Variants in CELSR1 observed in about 807,000 individuals in gnomAD.
CELSR1 encodes the protein cadherin EGF LAG seven-pass G-type receptor 1.
A neutral mutation model predicts 249.1 loss-of-function variants in CELSR1; 110 were observed. The observed-to-expected ratio is 0.44, with a 90% CI of 0.38 to 0.52. The LOEUF (loss-of-function observed/expected upper bound fraction) is 0.52. Among genes scored for constraint, CELSR1 ranks in the 20% least tolerant of loss-of-function variants. CELSR1 has a pLI of 0.00. For missense variants in CELSR1, 4,109 were observed against 4,296.4 expected (o/e 0.96, Z 1.22); for synonymous variants, 2,113 against 1,900.0 (o/e 1.11, Z -2.92).
At position 46,478,851 on chromosome 22, in the gene CELSR1, C is replaced by G. The variant is rs368313751; in HGVS notation, c.3545-14506G>C. Among the ~76,000 whole-genome samples, 166 of 151,904 alleles carry G rather than the reference C, an allele frequency of 1.1e-3. 1 individual carries two copies. The highest frequency in any genetic ancestry group is 8.4e-3 in the East Asian group (43 of 5,144). ...ACAGGTGTGAGCCACCGTGCCCAGC[C>G]GAAGATGAGACGTCTTAGTAAACAC... On this transcript the variant is annotated intron_variant, in intron 1 of 34. Coordinates refer to ENST00000674500, the MANE Select transcript of CELSR1 (RefSeq NM_001378328.1).
intron 27 of CELSR1, 117 bp from the exon 28 acceptor site, chr22:46,367,972 C>A: frequency 7.4e-7 from 1 of 1,348,924 alleles, no homozygotes; most frequent in South Asian, 1.4e-5. Context: ...ATCTGTCCGT[C>A]CACCTGTCCA....
intron 25 of CELSR1, among the ~76,000 whole-genome samples, chr22:46,372,497 C>T (rs978118354): frequency 3.1e-5 from 4 of 129,602 alleles, no homozygotes; most frequent in Non-Finnish European, 6.6e-5. Flanking sequence ...CCCCATCCAT[C>T]CATCCACTCA....
At position 46,409,043 on chromosome 22, in the gene CELSR1, C is replaced by T. The variant is rs765545122; in HGVS notation, c.5179G>A (p.Val1727Ile). Residue 1727 changes from valine to isoleucine, a missense_variant, in exon 9 of 35, where the codon GTT (valine) becomes ATT (isoleucine). By Grantham distance (29) the Val-to-Ile change is conservative. Around this residue, in one of 7 missense-constraint regions of CELSR1, gnomAD observed 16 missense variants for 40.1 expected, o/e 0.40. Coordinates refer to ENST00000674500, the MANE Select transcript of CELSR1 (RefSeq NM_001378328.1). This position sits in a 1 kb window ranked among gnomAD's most constrained non-coding sequence, Gnocchi z 9.8. ...LMFRTRKEDS[V>I]LMEATSGGPT... ...CCACCACTGGTGGCCTCCATCAGAACGCTGTCCTCCTTCCGGGTCCGGAAC... is the reference window on the plus strand; with the variant it reads ...CCACCACTGGTGGCCTCCATCAGAATGCTGTCCTCCTTCCGGGTCCGGAAC... The T allele has an allele frequency of 7.4e-6, 12 of 1,613,124 alleles. No individual in the cohort carries two copies. Among genetic ancestry groups the T allele is most frequent in the South Asian group, 3.3e-5 (3 of 90,952 alleles).
rs951211917 is a variant in CELSR1, at chr22:46,464,628, G to A, written c.3545-283C>T. On this transcript the variant is annotated intron_variant, in intron 1 of 34. Coordinates refer to ENST00000674500, the MANE Select transcript of CELSR1 (RefSeq NM_001378328.1). The surrounding 1 kb of genome is among the most constrained non-coding windows in gnomAD (Gnocchi z 8.5). ...TCCGATCACATCTTTCTCTGGCTCC[G>A]AATCCCTCAGAGGGCCCCAAGGTGC... Among the ~76,000 whole-genome samples, 7 of 151,782 alleles carry A rather than the reference G, an allele frequency of 4.6e-5. No homozygotes were observed. Among genetic ancestry groups the A allele is most frequent in the African/African-American group, 1.2e-4 (5 of 41,290 alleles).
chr22:46,475,032 C>A (rs1343983150), intron 1 of CELSR1, among the ~76,000 whole-genome samples: 1 of 152,128 alleles, frequency 6.6e-6, no homozygotes, highest in Non-Finnish European at 1.5e-5. Flanking sequence ...AGCTTCAAAT[C>A]ATTCAAACAC....
Position 46,447,808 on chromosome 22 carries a change from C to A in CELSR1, c.4184-8397G>T, listed in dbSNP as rs1159900345. 6.6e-6 allele frequency among the ~76,000 whole-genome samples: 1 copy of A among 152,030 alleles called. No homozygotes were observed. Among genetic ancestry groups the A allele is most frequent in the African/African-American group, 2.4e-5 (1 of 41,398 alleles). ...CTAATTTTTGTATTTTAAGTAGAGA[C>A]GGGGTTTCACCATGTTGGCCAGGCT... On this transcript the variant is annotated intron_variant, in intron 2 of 34. Transcript: ENST00000674500. The surrounding 1 kb of genome is among the most constrained non-coding windows in gnomAD (Gnocchi z 4.7).
intron 12 of CELSR1, 92 bp downstream of exon 12, chr22:46,397,582 G>T: frequency 1.7e-6 from 2 of 1,198,286 alleles, no homozygotes; most frequent in South Asian, 2.1e-5. Flanking sequence ...GGAGTTGGCT[G>T]GGGACGCTAA....
intron 1 of CELSR1, among the ~76,000 whole-genome samples, chr22:46,531,065 GT>G (rs1469993015): frequency 6.6e-6 from 1 of 152,154 alleles, no homozygotes; most frequent in Non-Finnish European, 1.5e-5. Context: ...TGATCTTTTT[GT>G]TTGGTCTGTT....
intron 9 of CELSR1, among the ~76,000 whole-genome samples, chr22:46,405,535 A>C (rs1179985442): frequency 1.3e-5 from 2 of 152,096 alleles, no homozygotes; most frequent in Non-Finnish European, 2.9e-5. Context: ...AAGTGAGCAG[A>C]TCAGTGATAA....
chr22:46,464,476 TC>T lies in CELSR1; in HGVS notation c.3545-132del, dbSNP rs2080074989. On this transcript the variant is annotated intron_variant, in intron 1 of 34. Transcript: ENST00000674500. This position sits in a 1 kb window ranked among gnomAD's most constrained non-coding sequence, Gnocchi z 8.5. ...GAGCCTGGGCATCCCCACTCCCCAT[TC>T]CCCACCCATGACCACCACCTTGACC... The T allele has an allele frequency of 1.1e-6, 1 of 906,184 alleles. No homozygotes were observed. Among genetic ancestry groups the T allele is most frequent in the Non-Finnish European group, 1.6e-6 (1 of 610,912 alleles). The allele number at this position is 906,184 out of a possible 1,614,324, so 56.1% of individuals were successfully genotyped here.
rs1214429130 is a variant in CELSR1, at chr22:46,500,317, G to A, written c.3544+33310C>T. ...TTCAGCACCGCGCTAGGTTTTAACT[G>A]CCTGCTGGAGATGACCTTTTATATG... On this transcript the variant is annotated intron_variant, in intron 1 of 34. Transcript: ENST00000674500. The surrounding 1 kb of genome is among the most constrained non-coding windows in gnomAD (Gnocchi z 4.9). Among the ~76,000 whole-genome samples the A allele has an allele frequency of 3.3e-5, 5 of 152,216 alleles. No individual in the cohort carries two copies. The highest frequency in any genetic ancestry group is 6.5e-5 in the Admixed American group (1 of 15,276).
Position 46,381,055 on chromosome 22 carries a change from T to A in CELSR1, c.7089-100A>T. The A allele has an allele frequency of 7.9e-7, 1 of 1,260,346 alleles. No homozygotes were observed. The highest frequency in any genetic ancestry group is 1.1e-6 in the Non-Finnish European group (1 of 902,986). The allele number at this position is 1,260,346 out of a possible 1,614,324, so 78.1% of individuals were successfully genotyped here. A position where few individuals can be genotyped will look rare whatever the true frequency, so the allele number is the denominator to read the frequency against. On this transcript the variant is annotated intron_variant, in intron 21 of 34. Coordinates refer to ENST00000674500, the MANE Select transcript of CELSR1 (RefSeq NM_001378328.1). The surrounding 1 kb of genome is among the most constrained non-coding windows in gnomAD (Gnocchi z 6.0). ...CTGAGGACACGCCATGATGTGTTTC[T>A]AGGGGAGACAGAATCACACTCCGAG...
At chr22:46,525,655 T>C (rs1313178040) in intron 1 of CELSR1, among the ~76,000 whole-genome samples, 1 of 152,214 alleles carries the variant, frequency 6.6e-6, no homozygotes, top group Non-Finnish European at 1.5e-5. Flanking sequence ...ACCCAGAAGA[T>C]AACATCTAAT....
chr22:46,479,845 G>A (rs542142444), intron 1 of CELSR1, among the ~76,000 whole-genome samples: 117 of 151,534 alleles, frequency 7.7e-4, no homozygotes, highest in African/African-American at 2.7e-3. Context: ...ATTTGGTAAC[G>A]GGGGCTGCCT....
chr22:46,366,608 G>A (rs895899379), intron 29 of CELSR1, 128 bp from the exon 30 acceptor site: 3 of 762,232 alleles, frequency 3.9e-6, no homozygotes, highest in African/African-American at 3.5e-5. Context: ...CTGGCACACA[G>A]GAGGAGCTGG....
chr22:46,406,196 T>G lies in CELSR1; in HGVS notation c.5226+2800A>C, dbSNP rs769376923. ...CCTGCATCCAACAGCCAATTTAATT[T>G]GTTCTGACAGTGAAACCACCACACA... On this transcript the variant is annotated intron_variant, in intron 9 of 34. Coordinates refer to ENST00000674500, the MANE Select transcript of CELSR1 (RefSeq NM_001378328.1). This position sits in a 1 kb window ranked among gnomAD's most constrained non-coding sequence, Gnocchi z 5.4. Among the ~76,000 whole-genome samples, 2 of 152,228 alleles carry G rather than the reference T, an allele frequency of 1.3e-5. No individual in the cohort carries two copies. Among genetic ancestry groups the G allele is most frequent in the Non-Finnish European group, 2.9e-5 (2 of 68,032 alleles).
At position 46,533,825 on chromosome 22, in the gene CELSR1, A is replaced by G; in HGVS notation, c.3346T>C (p.Ser1116Pro). ...ILFNNYVTNK[S>P]NSFPTGVIGC... ...ATCACGCCGGTGGGGAAACTGTTGG[A>G]CTTGTTGGTGACATAGTTGTTGAAG... The change falls in exon 1 of 35, where the codon TCC (serine) becomes CCC (proline). Residue 1116 changes from serine to proline, a missense_variant. Around this residue, in one of 7 missense-constraint regions of CELSR1, gnomAD observed 886 missense variants for 896.5 expected, o/e 0.99. Coordinates refer to ENST00000674500, the MANE Select transcript of CELSR1 (RefSeq NM_001378328.1). 2 of 1,613,820 alleles carry G rather than the reference A, an allele frequency of 1.2e-6. No individual in the cohort carries two copies. The highest frequency in any genetic ancestry group is 2.7e-5 in the African/African-American group (2 of 75,042).
rs1184730974 is a variant in CELSR1, at chr22:46,380,790, C to G, written c.7254G>C (p.Leu2418=). 3 of 1,612,140 alleles carry G rather than the reference C, an allele frequency of 1.9e-6. No individual in the cohort carries two copies. The African/African-American group carries it at 4.0e-5, about 22-fold the overall frequency. The change falls in exon 22 of 35, where the codon CTG becomes CTC. Residue 2418 remains leucine, a splice_region_variant and synonymous_variant. Transcript: ENST00000674500. This position sits in a 1 kb window ranked among gnomAD's most constrained non-coding sequence, Gnocchi z 5.1. ...KPVCVFWNHS[L]AVGGTGGWSA... is the part of the protein sequence containing the mutation. ...GGGGCTCCTGGCGTCACACTTACGC[C>G]AGGGAGTGGTTCCAGAACACGCAGA... is the stretch of plus-strand genomic sequence containing the variant.
In CELSR1 at chr22:46,367,103, G is replaced by A; in HGVS notation, c.8095C>T (p.Leu2699Phe). Residue 2699 changes from leucine (L) to phenylalanine (F), a missense_variant, in exon 29 of 35, where the codon CTT becomes TTT. This residue lies in a region of CELSR1 where 1,805 missense variants were observed against 1,831.6 expected (regional missense o/e 0.99). Coordinates refer to ENST00000674500, the MANE Select transcript of CELSR1 (RefSeq NM_001378328.1). Reference protein sequence around the residue: ...FSGLQGPFVLLFHCVLNQEVR... With the variant: ...FSGLQGPFVLFFHCVLNQEVR... ...TCCTGGTTGAGCACGCAGTGGAAAAGGAGGACGAAGGGGCCCTGGAGGGAG... is the reference window on the plus strand; with the variant it reads ...TCCTGGTTGAGCACGCAGTGGAAAAAGAGGACGAAGGGGCCCTGGAGGGAG... 1.9e-6 allele frequency: 3 copies of A among 1,611,284 alleles called. 1 individual carries two copies.
Sources: allele counts gnomAD v4.1 joint callset (sites outside exome capture counted in the v4.1 genomes callset), GRCh38; gene constraint gnomAD v4.1.1; regional missense constraint gnomAD v4.1.1; non-coding constraint Gnocchi (gnomAD v3.1); transcripts MANE v1.5; gene names NCBI Gene and HGNC (gene_info 2026-07-23, HGNC 2026-07-21).